GRB14: variants seen among roughly 807,000 people sequenced by gnomAD.
GRB14 encodes growth factor receptor-bound protein 14.
Under a neutral mutation model 69.1 loss-of-function variants are expected in GRB14, and 38 were observed. That is an observed-to-expected ratio of 0.55 (90% CI 0.42 to 0.72). GRB14 has a LOEUF of 0.72. GRB14 is among the 30% of genes least tolerant of loss of function. GRB14 has a pLI of 0.00. For synonymous variants in GRB14, 247 were observed against 241.3 expected, an observed-to-expected ratio of 1.02 and a Z score of -0.22; for missense variants, 666 against 666.1, an observed-to-expected ratio of 1.00 and a Z score of 0.00.
At chr2:164,615,583 T>G (rs542402648) in intron 2 of GRB14, among the ~76,000 whole-genome samples, 2 of 152,200 alleles carry the variant, frequency 1.3e-5, no homozygotes, top group Non-Finnish European at 2.9e-5. Context: ...AGATTTCAGG[T>G]GCTGGCTGTG....
chr2:164,508,696 A>T, intron 7 of GRB14, 46 bp downstream of exon 7: 2 of 1,492,122 alleles, frequency 1.3e-6, no homozygotes, highest in Non-Finnish European at 1.8e-6. Flanking sequence ...CTTACCTAAA[A>T]GGCTGAGGCT....
At chr2:164,564,040 T>C (rs917798621) in intron 2 of GRB14, among the ~76,000 whole-genome samples, 2 of 152,142 alleles carry the variant, frequency 1.3e-5, no homozygotes, top group African/African-American at 4.8e-5. Context: ...TAAAGGTGGG[T>C]CCACTGATAC....
intron 3 of GRB14, among the ~76,000 whole-genome samples, chr2:164,541,087 G>A (rs188895206): frequency 1.3e-5 from 2 of 152,030 alleles, no homozygotes; most frequent in African/African-American, 4.8e-5. Context: ...TAGTTATCTC[G>A]GTCTTGAAAT....
At chr2:164,546,654 A>C (rs1176387595) in intron 3 of GRB14, among the ~76,000 whole-genome samples, 1 of 152,212 alleles carries the variant, frequency 6.6e-6, no homozygotes, top group African/African-American at 2.4e-5. Flanking sequence ...AGTGAGATTA[A>C]GGTAGACAAC....
intron 2 of GRB14, among the ~76,000 whole-genome samples, chr2:164,558,199 G>A (rs1217140642): frequency 6.6e-6 from 1 of 152,112 alleles, no homozygotes; most frequent in African/African-American, 2.4e-5. Flanking sequence ...CTCAGGCCAA[G>A]AGCCATGAAG....
At chr2:164,592,857 C>G (rs1376132344) in intron 2 of GRB14, among the ~76,000 whole-genome samples, 1 of 152,184 alleles carries the variant, frequency 6.6e-6, no homozygotes, top group African/African-American at 2.4e-5. Flanking sequence ...TAATATTGCT[C>G]TGCTTTTCTC....
chr2:164,571,462 T>C (rs967066726), intron 2 of GRB14, among the ~76,000 whole-genome samples: 13 of 152,086 alleles, frequency 8.5e-5, no homozygotes, highest in African/African-American at 3.1e-4. Context: ...CACAACAGAG[T>C]CAACAATAAA....
At chr2:164,575,607 A>T (rs992156748) in intron 2 of GRB14, among the ~76,000 whole-genome samples, 5 of 152,142 alleles carry the variant, frequency 3.3e-5, no homozygotes, top group African/African-American at 7.2e-5. Context: ...GATCAAAAAG[A>T]TATTTTAAAC....
At chr2:164,526,987 G>T (rs117195547) in intron 4 of GRB14, 27 bp downstream of exon 4, 48 of 1,497,044 alleles carry the variant, frequency 3.2e-5, no homozygotes, top group Non-Finnish European at 4.1e-5. Flanking sequence ...TTTATTTTCC[G>T]TAACTATTAG....
chr2:164,571,057 T>C (rs1399013994), intron 2 of GRB14, among the ~76,000 whole-genome samples: 1 of 152,224 alleles, frequency 6.6e-6, no homozygotes, highest in Non-Finnish European at 1.5e-5. Flanking sequence ...CTGAACAAGA[T>C]AGCACCCTGC....
At chr2:164,539,201 G>T (rs1322231602) in intron 3 of GRB14, among the ~76,000 whole-genome samples, 1 of 152,106 alleles carries the variant, frequency 6.6e-6, no homozygotes, top group South Asian at 2.1e-4. Context: ...ACGGTCGGGC[G>T]TGGTGGCTCA....
At chr2:164,562,538 C>A (rs1446521154) in intron 2 of GRB14, among the ~76,000 whole-genome samples, 1 of 152,116 alleles carries the variant, frequency 6.6e-6, no homozygotes, top group Admixed American at 6.5e-5. Flanking sequence ...CTTTGGATAA[C>A]CACTTTAGGA....
chr2:164,591,798 T>G (rs1689670655), intron 2 of GRB14, among the ~76,000 whole-genome samples: 1 of 152,132 alleles, frequency 6.6e-6, no homozygotes, highest in Admixed American at 6.5e-5. Context: ...CTGATCCCAG[T>G]GATATGGTTT....
At chr2:164,505,579 G>C (rs529166548) in intron 8 of GRB14, among the ~76,000 whole-genome samples, 1 of 152,208 alleles carries the variant, frequency 6.6e-6, no homozygotes, top group South Asian at 2.1e-4. Flanking sequence ...GCCAGGCTTA[G>C]AATAAGAAGA....
chr2:164,552,764 A>T (rs1269340997), intron 2 of GRB14, among the ~76,000 whole-genome samples: 1 of 152,174 alleles, frequency 6.6e-6, no homozygotes, highest in East Asian at 1.9e-4. Context: ...TTGGTAGGCC[A>T]CTGCTCTTAA....
rs911180039 is a variant in GRB14 at position 164,547,643 on chromosome 2, T to G, written c.481+17A>C. On this transcript the variant is annotated intron_variant, in intron 3 of 13. Transcript: ENST00000263915. ...ATAGAAAAGCAATGATGTGAGACAA[T>G]AACTCCGTATCCTTACCTACACCTA... The G allele has an allele frequency of 3.1e-5, 50 of 1,595,024 alleles. No homozygotes were observed. Among genetic ancestry groups the G allele is most frequent in the Non-Finnish European group, 4.1e-5 (48 of 1,167,358 alleles).
At position 164,583,908 on chromosome 2, in the gene GRB14, T is replaced by C. The variant is rs976759167; in HGVS notation, c.324+35779A>G. ...GGTGCTGAAAATACTTATTTTGTCT[T>C]CTTGACACAATTAGGTGACCTCATA... On this transcript the variant is annotated intron_variant, in intron 2 of 13. Transcript: ENST00000263915. Among the ~76,000 whole-genome samples the C allele has an allele frequency of 2.0e-5, 3 of 152,100 alleles. 1 individual carries two copies. In the South Asian group the frequency reaches 6.2e-4, roughly 32 times the overall value.
intron 2 of GRB14, among the ~76,000 whole-genome samples, chr2:164,589,923 C>A (rs750492535): frequency 2.0e-5 from 3 of 152,132 alleles, no homozygotes; most frequent in Non-Finnish European, 2.9e-5. Context: ...GAACCCTCAT[C>A]TGGGTTACAG....
intron 2 of GRB14, among the ~76,000 whole-genome samples, chr2:164,600,566 T>G (rs1689891004): frequency 6.6e-6 from 1 of 152,128 alleles, no homozygotes; most frequent in African/African-American, 2.4e-5. Flanking sequence ...AGGTACTTGT[T>G]AAAGGTTTTA....
Sources: gnomAD v4.1 joint callset for allele counts (sites outside exome capture counted in the v4.1 genomes callset) on GRCh38, gnomAD v4.1.1 for gene constraint, MANE v1.5 for transcripts, NCBI Gene and HGNC (gene_info 2026-07-23, HGNC 2026-07-21) for gene names.